SNX18: variants seen among roughly 807,000 people sequenced by gnomAD.
SNX18 encodes the protein sorting nexin-18.
In SNX18, 35 loss-of-function variants were observed where a neutral mutation model predicts 48.7. The observed-to-expected ratio is 0.72, with a 90% CI of 0.55 to 0.95. The LOEUF (loss-of-function observed/expected upper bound fraction) is 0.95. Ranked by LOEUF, SNX18 falls within the 40% of genes least tolerant of loss-of-function variation. SNX18 has a pLI of 0.00. For synonymous variants in SNX18, 492 were observed against 384.7 expected (o/e 1.28, Z -3.26); for missense variants, 824 against 871.0 (o/e 0.95, Z 0.68).
chr5:54,557,627 G>T, the SNX18 span, among the ~76,000 whole-genome samples: 1 of 152,190 alleles, frequency 6.6e-6, no homozygotes, highest in Non-Finnish European at 1.5e-5. Context: ...AGGGAAGGGA[G>T]AATGGGAGTT....
At chr5:54,575,809 C>A in the SNX18 span, among the ~76,000 whole-genome samples, 4 of 152,158 alleles carry the variant, frequency 2.6e-5, no homozygotes, top group African/African-American at 7.2e-5. Context: ...ACTAAAGAAA[C>A]CCTTGTCTGC....
chr5:54,565,363 C>T, the SNX18 span, among the ~76,000 whole-genome samples: 160 of 152,122 alleles, frequency 1.1e-3, no homozygotes, highest in African/African-American at 3.7e-3. Context: ...TGCTTGAGGC[C>T]AGGAGTTTGA....
chr5:54,633,573 C>T, the SNX18 span, among the ~76,000 whole-genome samples: 2 of 152,064 alleles, frequency 1.3e-5, no homozygotes, highest in African/African-American at 2.4e-5. Flanking sequence ...TACTTAACAC[C>T]CCTGTGTCTC....
chr5:54,618,102 A>G, the SNX18 span, among the ~76,000 whole-genome samples: 1 of 152,162 alleles, frequency 6.6e-6, no homozygotes, highest in African/African-American at 2.4e-5. Flanking sequence ...CACAGGGGCC[A>G]TTACCCACAT....
the SNX18 span, among the ~76,000 whole-genome samples, chr5:54,568,650 C>A: frequency 6.6e-6 from 1 of 152,168 alleles, no homozygotes. Flanking sequence ...TGTGACTCAA[C>A]TCTAAAGAGA....
At chr5:54,568,806 A>C in the SNX18 span, among the ~76,000 whole-genome samples, 1 of 150,412 alleles carries the variant, frequency 6.6e-6, no homozygotes, top group Non-Finnish European at 1.5e-5. Flanking sequence ...TTGCAACTGG[A>C]AGCACAACCA....
intron 1 of SNX18, among the ~76,000 whole-genome samples, chr5:54,533,946 G>A (rs1329458796): frequency 6.6e-6 from 1 of 152,142 alleles, no homozygotes; most frequent in African/African-American, 2.4e-5. Context: ...AGTAGGGAAG[G>A]CCAGGGTGTG....
chr5:54,575,688 GCAGGACA>G, the SNX18 span, among the ~76,000 whole-genome samples: 36 of 152,050 alleles, frequency 2.4e-4, no homozygotes, highest in Middle Eastern at 3.4e-3. Flanking sequence ...TAAACCTAAA[GCAGGACA>G]TACAATTTTC....
At chr5:54,531,803 G>GGGAT (rs762248575) in intron 1 of SNX18, among the ~76,000 whole-genome samples, 2 of 152,162 alleles carry the variant, frequency 1.3e-5, no homozygotes, top group Admixed American at 6.5e-5. Context: ...TGATCGTGAA[G>GGGAT]GGATGTGAAG....
the SNX18 span, among the ~76,000 whole-genome samples, chr5:54,594,640 T>C: frequency 6.6e-6 from 1 of 152,192 alleles, no homozygotes; most frequent in African/African-American, 2.4e-5. Context: ...AGTTAAAACC[T>C]TGAGACTGAG....
At chr5:54,572,740 G>GTA in the SNX18 span, among the ~76,000 whole-genome samples, 1 of 41,766 alleles carries the variant, frequency 2.4e-5, no homozygotes, top group African/African-American at 8.8e-5. Context: ...GTGTGTGTGT[G>GTA]TGTGTGTGTG....
At chr5:54,629,598 C>A in the SNX18 span, among the ~76,000 whole-genome samples, 1 of 152,180 alleles carries the variant, frequency 6.6e-6, no homozygotes, top group African/African-American at 2.4e-5. Flanking sequence ...ATATTATAAC[C>A]ATTGTGCCTA....
chr5:54,519,587 CTT>C lies in SNX18; in HGVS notation c.1621+15_1621+16del. Reference sequence around the variant, plus strand: ...ACGTTCAGAAAGGTAAAGCCTGGCCCTTAGAGCAGGTGATATGGAGTGTATTG... The same window carrying C: ...ACGTTCAGAAAGGTAAAGCCTGGCCCAGAGCAGGTGATATGGAGTGTATTG... On this transcript the variant is annotated intron_variant, in intron 1 of 1. Coordinates refer to ENST00000381410, the MANE Select transcript of SNX18 (RefSeq NM_001102575.2). 1 of 1,614,202 alleles carries C rather than the reference CTT, an allele frequency of 6.2e-7. No homozygotes were observed. The highest frequency in any genetic ancestry group is 1.1e-5 in the South Asian group (1 of 91,086).
At chr5:54,620,577 G>GA in the SNX18 span, among the ~76,000 whole-genome samples, 4 of 152,222 alleles carry the variant, frequency 2.6e-5, no homozygotes, top group Admixed American at 2.6e-4. Context: ...GGGGACCACA[G>GA]AAAATATCTG....
chr5:54,585,726 G>A, the SNX18 span, among the ~76,000 whole-genome samples: 6 of 151,880 alleles, frequency 4.0e-5, no homozygotes, highest in African/African-American at 9.7e-5. Flanking sequence ...TTCCCCGGCC[G>A]GGCGCGGTGG....
At chr5:54,596,309 C>CACTAG in the SNX18 span, among the ~76,000 whole-genome samples, 1 of 149,452 alleles carries the variant, frequency 6.7e-6, no homozygotes, top group African/African-American at 2.6e-5. Flanking sequence ...TGAGGGCCAG[C>CACTAG]ACTATAGCTC....
At chr5:54,547,027 C>A (rs1411245515), downstream of SNX18, among the ~76,000 whole-genome samples, 1 of 152,216 alleles carries the variant, frequency 6.6e-6, no homozygotes, top group African/African-American at 2.4e-5. Flanking sequence ...CAAAGCTTGC[C>A]CTCTTTGTGG....
downstream of SNX18, among the ~76,000 whole-genome samples, chr5:54,549,357 C>T (rs1476299170): frequency 6.6e-6 from 1 of 152,228 alleles, no homozygotes; most frequent in Non-Finnish European, 1.5e-5. Flanking sequence ...TGCTTTAGCC[C>T]TGGTAACTTC....
chr5:54,616,274 C>T, the SNX18 span, among the ~76,000 whole-genome samples: 1 of 152,188 alleles, frequency 6.6e-6, no homozygotes. Flanking sequence ...TGCAATCATC[C>T]GCACATGACC....
Sources: allele counts gnomAD v4.1 joint callset (sites outside exome capture counted in the v4.1 genomes callset), GRCh38; gene constraint gnomAD v4.1.1; transcripts MANE v1.5; gene names NCBI Gene and HGNC (gene_info 2026-07-23, HGNC 2026-07-21).